The following MDGA2 variants were observed in gnomAD, a reference collection of about 807,000 sequenced individuals.
MDGA2 encodes MAM domain-containing glycosylphosphatidylinositol anchor protein 2.
Under a neutral mutation model 117.8 loss-of-function variants are expected in MDGA2, and 40 were observed. That is an observed-to-expected ratio of 0.34 (90% CI 0.26 to 0.44). MDGA2 has a LOEUF of 0.44. Ranked by LOEUF, MDGA2 falls within the 20% of genes least tolerant of loss-of-function variation. MDGA2 has a pLI of 1.00. For synonymous variants in MDGA2, 452 were observed against 439.0 expected, an observed-to-expected ratio of 1.03 and a Z score of -0.37; for missense variants, 1,123 against 1,250.6, an observed-to-expected ratio of 0.90 and a Z score of 1.54.
intron 1 of MDGA2, among the ~76,000 whole-genome samples, chr14:47,522,337 G>GTATATGTGTA (rs755467095): frequency 0.3 from 32,912 of 108,272 alleles, 4,693 homozygotes; most frequent in South Asian, 0.56. Flanking sequence ...GTGTATGTGT[G>GTATATGTGTA]TATATATGTA....
At chr14:46,988,042 T>C (rs1340281662) in intron 8 of MDGA2, among the ~76,000 whole-genome samples, 3 of 151,736 alleles carry the variant, frequency 2.0e-5, no homozygotes, top group African/African-American at 7.3e-5. Flanking sequence ...TAATATAATA[T>C]TGAAATTAAT....
chr14:47,232,604 A>G (rs1886728851), intron 2 of MDGA2, among the ~76,000 whole-genome samples: 1 of 152,106 alleles, frequency 6.6e-6, no homozygotes, highest in African/African-American at 2.4e-5. Flanking sequence ...AAGAAAGTGA[A>G]GTGTAAAGTC....
At chr14:47,119,660 T>C (rs772479465) in intron 5 of MDGA2, among the ~76,000 whole-genome samples, 1 of 152,186 alleles carries the variant, frequency 6.6e-6, no homozygotes, top group Non-Finnish European at 1.5e-5. Flanking sequence ...AAAGAAAATA[T>C]GCAGTAATAC....
intron 3 of MDGA2, among the ~76,000 whole-genome samples, chr14:47,209,882 G>T (rs1461411740): frequency 6.6e-6 from 1 of 152,110 alleles, no homozygotes; most frequent in Admixed American, 6.6e-5. Flanking sequence ...CTGATGTTTT[G>T]GGAGGATGGG....
intron 7 of MDGA2, among the ~76,000 whole-genome samples, chr14:47,046,217 G>C (rs1455545456): frequency 2.0e-5 from 3 of 151,772 alleles, no homozygotes; most frequent in African/African-American, 7.3e-5. Context: ...TCAAGTAAAG[G>C]GCTGAGATAT....
intron 3 of MDGA2, among the ~76,000 whole-genome samples, chr14:47,189,343 T>C (rs537075094): frequency 2.6e-5 from 4 of 152,274 alleles, no homozygotes; most frequent in Non-Finnish European, 4.4e-5. Context: ...ATCATGTTGC[T>C]CTTTTGTGAA....
intron 9 of MDGA2, among the ~76,000 whole-genome samples, chr14:46,948,637 T>A (rs1334710967): frequency 6.6e-6 from 1 of 152,034 alleles, no homozygotes; most frequent in Non-Finnish European, 1.5e-5. Context: ...TGCCCTCATT[T>A]CTATACACTG....
At chr14:47,022,879 C>T (rs945537533) in intron 8 of MDGA2, among the ~76,000 whole-genome samples, 1 of 152,108 alleles carries the variant, frequency 6.6e-6, no homozygotes, top group Admixed American at 6.5e-5. Context: ...GGATACCAAA[C>T]TTTGAATCAC....
chr14:47,558,805 T>C (rs1201163783), intron 1 of MDGA2, among the ~76,000 whole-genome samples: 2 of 152,196 alleles, frequency 1.3e-5, no homozygotes, highest in African/African-American at 4.8e-5. Context: ...GTATTTATGA[T>C]GAGAAATGAT....
In MDGA2 at chr14:47,361,634, C is replaced by A. The variant is rs191435213; in HGVS notation, c.281-60084G>T. 1.2e-4 allele frequency among the ~76,000 whole-genome samples: 19 copies of A among 152,106 alleles called. 1 individual carries two copies. In the East Asian group the frequency reaches 3.7e-3, roughly 30 times the overall value. On this transcript the variant is annotated intron_variant, in intron 1 of 16. Transcript: ENST00000399232. ...TTTAAAGCATGATTATTATCCAGTG[C>A]CTTCTAATGGGCTTCAGAATGTGGG...
At chr14:47,606,632 C>T (rs1379548175) in intron 1 of MDGA2, among the ~76,000 whole-genome samples, 1 of 152,086 alleles carries the variant, frequency 6.6e-6, no homozygotes, top group African/African-American at 2.4e-5. Flanking sequence ...CTTGTGTCAG[C>T]AGATCCACCA....
intron 14 of MDGA2, among the ~76,000 whole-genome samples, chr14:46,857,589 C>T (rs1411154803): frequency 6.6e-6 from 1 of 152,000 alleles, no homozygotes; most frequent in Admixed American, 6.6e-5. Flanking sequence ...ATTCATCTTG[C>T]TCAGGGTTAT....
At chr14:47,344,537 G>C (rs573345589) in intron 1 of MDGA2, among the ~76,000 whole-genome samples, 2 of 152,074 alleles carry the variant, frequency 1.3e-5, no homozygotes, top group Admixed American at 1.3e-4. Context: ...TGGTATTTGG[G>C]TAGGTTCTAA....
rs552253821 is a variant in MDGA2, at chr14:47,311,161, A to G, written c.281-9611T>C. On this transcript the variant is annotated intron_variant, in intron 1 of 16. Transcript: ENST00000399232. Reference sequence around the variant, plus strand: ...TATACTTAAATCCTTCTCTAAAATTAAGGGCTCTTCAGTTTTCTTGGAAAC... The same window carrying G: ...TATACTTAAATCCTTCTCTAAAATTGAGGGCTCTTCAGTTTTCTTGGAAAC... Among the ~76,000 whole-genome samples the G allele has an allele frequency of 8.5e-5, 13 of 152,250 alleles. No homozygotes were observed. The East Asian group carries it at 1.7e-3, about 20-fold the overall frequency.
intron 3 of MDGA2, among the ~76,000 whole-genome samples, chr14:47,214,401 T>C (rs1297540514): frequency 6.6e-6 from 1 of 152,150 alleles, no homozygotes; most frequent in African/African-American, 2.4e-5. Context: ...TTGGAATGCT[T>C]TTACAATTCT....
chr14:47,239,218 T>G (rs1380235251), intron 2 of MDGA2, among the ~76,000 whole-genome samples: 2 of 129,368 alleles, frequency 1.5e-5, no homozygotes, highest in Non-Finnish European at 3.4e-5. Context: ...AAGTCAAAAT[T>G]TATTAAAAAA....
rs140721197 is a variant in MDGA2 at position 47,572,824 on chromosome 14, G to A, written c.280+101693C>T. Among the ~76,000 whole-genome samples the A allele has an allele frequency of 1.8e-3, 277 of 152,252 alleles. 2 individuals carry two copies. Among genetic ancestry groups the A allele is most frequent in the African/African-American group, 6.4e-3 (265 of 41,540 alleles). On this transcript the variant is annotated intron_variant, in intron 1 of 16. Coordinates refer to ENST00000399232, the MANE Select transcript of MDGA2 (RefSeq NM_001113498.3). ...GGAACCAGAAATTCTGGCCTCAGCA[G>A]CACAATCCAATAGTGTAAACCAATC...
chr14:47,121,639 T>A (rs1461161639), intron 5 of MDGA2, among the ~76,000 whole-genome samples: 1 of 152,090 alleles, frequency 6.6e-6, no homozygotes, highest in African/African-American at 2.4e-5. Flanking sequence ...CCACCATAAC[T>A]AAGAGCCTAC....
chr14:47,479,015 A>C (rs1165983798), intron 1 of MDGA2, among the ~76,000 whole-genome samples: 1 of 152,242 alleles, frequency 6.6e-6, no homozygotes, highest in Non-Finnish European at 1.5e-5. Context: ...CGAGAGTAAC[A>C]GTAGCAGACT....
Sources: gnomAD v4.1 joint callset for allele counts (sites outside exome capture counted in the v4.1 genomes callset) on GRCh38, gnomAD v4.1.1 for gene constraint, MANE v1.5 for transcripts, NCBI Gene and HGNC (gene_info 2026-07-23, HGNC 2026-07-21) for gene names.